HDAC9: variants seen among roughly 807,000 people sequenced by gnomAD.
HDAC9 encodes the protein histone deacetylase 9, also known as MEF-2 interacting transcription repressor (MITR) protein.
Under a neutral mutation model 139.4 loss-of-function variants are expected in HDAC9, and 41 were observed. The observed-to-expected ratio is 0.29, with a 90% CI of 0.23 to 0.38. HDAC9 has a LOEUF of 0.38. Ranked by LOEUF, HDAC9 falls within the 10% of genes least tolerant of loss-of-function variation. The pLI is 1.00. For synonymous variants in HDAC9, 517 were observed against 476.2 expected, an observed-to-expected ratio of 1.09 and a Z score of -1.12; for missense variants, 1,147 against 1,297.0, an observed-to-expected ratio of 0.88 and a Z score of 1.78.
intron 1 of HDAC9, among the ~76,000 whole-genome samples, chr7:18,441,026 TTGGAGAATTTGG>T (rs1286604244): frequency 1.3e-5 from 2 of 152,238 alleles, no homozygotes; most frequent in East Asian, 1.9e-4. Context: ...CTGTGTGCTC[TTGGAGAATTTGG>T]CAATTCAATG....
chr7:18,162,541 A>G, intron 2 of HDAC9: 5 of 589,136 alleles, frequency 8.5e-6, no homozygotes, highest in Non-Finnish European at 1.5e-5. Context: ...TGCTTCCTGG[A>G]CAACTGATTT....
At chr7:18,089,840 C>T (rs550925809) in intron 1 of HDAC9, among the ~76,000 whole-genome samples, 2 of 152,182 alleles carry the variant, frequency 1.3e-5, no homozygotes, top group East Asian at 3.9e-4. Flanking sequence ...TCTGTACCTT[C>T]TCATTAGTGA....
chr7:18,356,273 A>G (rs1292784056), intron 1 of HDAC9, among the ~76,000 whole-genome samples: 4 of 150,858 alleles, frequency 2.7e-5, no homozygotes, highest in Non-Finnish European at 5.9e-5. Context: ...TGGCAAAGAC[A>G]AATTCTTCCT....
intron 1 of HDAC9, among the ~76,000 whole-genome samples, chr7:18,139,444 C>T (rs2128108435): frequency 6.6e-6 from 1 of 152,214 alleles, no homozygotes; most frequent in South Asian, 2.1e-4. Context: ...TCTTATGACA[C>T]TTTATTTTAT....
At chr7:18,324,917 A>G (rs1436289764) in intron 1 of HDAC9, among the ~76,000 whole-genome samples, 1 of 152,182 alleles carries the variant, frequency 6.6e-6, no homozygotes, top group African/African-American at 2.4e-5. Flanking sequence ...TGAAAATAGT[A>G]TAAAGTTCCT....
At chr7:18,509,796 AC>A (rs997861945) in intron 2 of HDAC9, among the ~76,000 whole-genome samples, 1 of 150,930 alleles carries the variant, frequency 6.6e-6, no homozygotes, top group African/African-American at 2.4e-5. Context: ...TCCTTTTATT[AC>A]TCTCTTTAGA....
intron 12 of HDAC9, among the ~76,000 whole-genome samples, chr7:18,680,345 A>G (rs967067968): frequency 2.0e-5 from 3 of 152,000 alleles, no homozygotes; most frequent in African/African-American, 7.2e-5. Context: ...AAAGTGAGCA[A>G]TAGATTTTAT....
intron 1 of HDAC9, chr7:18,151,935 T>C (rs1231397834): frequency 6.6e-6 from 1 of 152,222 alleles, no homozygotes; most frequent in Non-Finnish European, 1.5e-5. Context: ...GTAGTAGCTA[T>C]GACTTGGAGA....
intron 1 of HDAC9, among the ~76,000 whole-genome samples, chr7:18,445,963 A>G (rs1317385081): frequency 6.6e-6 from 1 of 152,238 alleles, no homozygotes; most frequent in Non-Finnish European, 1.5e-5. Context: ...GATGACATAG[A>G]CACTCATTTG....
chr7:18,305,073 A>G (rs1171697122), intron 1 of HDAC9, among the ~76,000 whole-genome samples: 1 of 152,216 alleles, frequency 6.6e-6, no homozygotes, highest in East Asian at 1.9e-4. Context: ...CCTTCAGGGC[A>G]GGAAGACCTT....
chr7:18,799,166 A>G (rs1793081460), intron 17 of HDAC9, among the ~76,000 whole-genome samples: 3 of 152,112 alleles, frequency 2.0e-5, no homozygotes, highest in Non-Finnish European at 4.4e-5. Flanking sequence ...CCAATCATTG[A>G]CTGACCACTA....
chr7:18,954,374 CTT>C (rs1563083585), intron 24 of HDAC9, 144 bp downstream of exon 24: 1 of 641,216 alleles, frequency 1.6e-6, no homozygotes, highest in African/African-American at 1.9e-5. Context: ...ATGTGTTGCT[CTT>C]AATGCAGCAA....
chr7:18,721,832 C>T (rs1034656751), intron 12 of HDAC9, among the ~76,000 whole-genome samples: 2 of 152,158 alleles, frequency 1.3e-5, no homozygotes, highest in East Asian at 1.9e-4. Context: ...ACTTCGTAGT[C>T]TCCATTAGCA....
At chr7:18,671,078 C>T (rs1253966374) in intron 12 of HDAC9, among the ~76,000 whole-genome samples, 1 of 151,962 alleles carries the variant, frequency 6.6e-6, no homozygotes, top group Non-Finnish European at 1.5e-5. Flanking sequence ...CTCTCCTTTA[C>T]TTCTTAGCTT....
At chr7:18,370,009 A>G (rs576839301) in intron 1 of HDAC9, among the ~76,000 whole-genome samples, 1 of 152,312 alleles carries the variant, frequency 6.6e-6, no homozygotes, top group South Asian at 2.1e-4. Context: ...AAAGATGTTT[A>G]AGACTTACTT....
intron 1 of HDAC9, among the ~76,000 whole-genome samples, chr7:18,342,087 C>T (rs1203513472): frequency 3.3e-5 from 5 of 151,712 alleles, no homozygotes; most frequent in African/African-American, 9.7e-5. Context: ...TTATTCTTTC[C>T]CTAGCCTCAT....
intron 17 of HDAC9, among the ~76,000 whole-genome samples, chr7:18,826,849 A>C (rs1410100300): frequency 6.7e-6 from 1 of 150,324 alleles, no homozygotes; most frequent in Non-Finnish European, 1.5e-5. Flanking sequence ...TTCCTTTGTA[A>C]ACACAACTTT....
At chr7:18,678,016 T>C (rs1781632976) in intron 12 of HDAC9, among the ~76,000 whole-genome samples, 1 of 152,018 alleles carries the variant, frequency 6.6e-6, no homozygotes, top group Middle Eastern at 3.4e-3. Flanking sequence ...TTCATTATCT[T>C]ACAGGATTCG....
intron 2 of HDAC9, among the ~76,000 whole-genome samples, chr7:18,248,221 G>A (rs1794684202): frequency 6.6e-6 from 1 of 152,124 alleles, no homozygotes; most frequent in Non-Finnish European, 1.5e-5. Flanking sequence ...AATTGAATTT[G>A]CTATTTGATG....
Sources: allele counts gnomAD v4.1 joint callset (sites outside exome capture counted in the v4.1 genomes callset), GRCh38; gene constraint gnomAD v4.1.1; transcripts MANE v1.5; gene names NCBI Gene and HGNC (gene_info 2026-07-23, HGNC 2026-07-21).